Variants in RGS7 observed in about 807,000 individuals in gnomAD.
RGS7 encodes regulator of G protein signaling 7.
A neutral mutation model predicts 81.1 loss-of-function variants in RGS7; 27 were observed. The ratio of observed to expected loss-of-function variants is 0.33; its 90% confidence interval spans 0.25 to 0.46. The LOEUF (loss-of-function observed/expected upper bound fraction) is 0.46, where lower values mean the gene tolerates loss of function less well. Ranked by LOEUF, RGS7 falls within the 20% of genes least tolerant of loss-of-function variation. The probability of loss-of-function intolerance (pLI) is 1.00; values close to 1 mark genes in which losing one functional copy is unlikely to be tolerated. For missense variants in RGS7, 396 were observed against 607.4 expected (o/e 0.65, Z 3.66); for synonymous variants, 208 against 207.7 (o/e 1.00, Z -0.01).
intron 9 of RGS7, among the ~76,000 whole-genome samples, chr1:240,827,562 T>A (rs562849726): frequency 6.6e-6 from 1 of 152,156 alleles, no homozygotes; most frequent in Non-Finnish European, 1.5e-5. Context: ...GAGATCTCTC[T>A]TTATAAAAAG....
intron 2 of RGS7, among the ~76,000 whole-genome samples, chr1:241,162,830 A>C (rs1053371797): frequency 1.3e-5 from 2 of 152,216 alleles, no homozygotes; most frequent in African/African-American, 4.8e-5. Flanking sequence ...CCCCGAGTTC[A>C]CACAGCTAAT....
At chr1:240,882,010 G>A (rs1316559486) in intron 6 of RGS7, among the ~76,000 whole-genome samples, 2 of 151,950 alleles carry the variant, frequency 1.3e-5, no homozygotes, top group African/African-American at 4.8e-5. Flanking sequence ...CACCTCCCTG[G>A]TTCAAGCTAT....
intron 6 of RGS7, among the ~76,000 whole-genome samples, chr1:240,888,010 C>T (rs1175876762): frequency 6.6e-6 from 1 of 152,206 alleles, no homozygotes; most frequent in Non-Finnish European, 1.5e-5. Context: ...ATTCAACAAA[C>T]ATGCACTGGG....
intron 5 of RGS7, among the ~76,000 whole-genome samples, chr1:240,934,393 A>C (rs2148365582): frequency 6.6e-6 from 1 of 152,350 alleles, no homozygotes; most frequent in Non-Finnish European, 1.5e-5. Context: ...GGTGTAATAA[A>C]GAACTTTCGC....
chr1:241,328,878 G>A (rs1331768535), intron 2 of RGS7, among the ~76,000 whole-genome samples: 4 of 152,166 alleles, frequency 2.6e-5, no homozygotes, highest in Admixed American at 6.5e-5. Context: ...TTGATGCTCA[G>A]GCAACTGGTC....
At chr1:241,152,690 A>T (rs1306100111) in intron 2 of RGS7, among the ~76,000 whole-genome samples, 1 of 152,120 alleles carries the variant, frequency 6.6e-6, no homozygotes, top group Non-Finnish European at 1.5e-5. Context: ...CTGGCCAATG[A>T]GCTGTGAGTG....
intron 2 of RGS7, among the ~76,000 whole-genome samples, chr1:241,289,894 C>CCA (rs751501761): frequency 9.2e-5 from 14 of 152,186 alleles, no homozygotes; most frequent in African/African-American, 2.4e-4. Flanking sequence ...AGCATGTGGT[C>CCA]CACAGCATCA....
chr1:241,096,336 T>G (rs974927042), intron 3 of RGS7, among the ~76,000 whole-genome samples: 8 of 152,030 alleles, frequency 5.3e-5, no homozygotes, highest in Admixed American at 1.3e-4. Flanking sequence ...GACTGAAAAC[T>G]TCTAGTAAAG....
At position 240,802,954 on chromosome 1, in the gene RGS7, G is replaced by A; in HGVS notation, c.1309C>T (p.Arg437Cys). ...YKLMKSDSYP[R>C]FIRSSAYQEL... ...TGATAGGCACTGGATCTTATAAAAC[G>A]TGGGTATGAATCACTTTTCATCAGT... Residue 437 changes from arginine (R) to cysteine (C), a missense_variant, in exon 16 of 19, where the codon CGT (arginine) becomes TGT (cysteine). By Grantham distance (180) the Arg-to-Cys change is radical. Transcript: ENST00000440928. 6.2e-7 allele frequency: 1 copy of A among 1,612,222 alleles called. No individual in the cohort carries two copies. The highest frequency in any genetic ancestry group is 8.5e-7 in the Non-Finnish European group (1 of 1,178,464).
At chr1:241,083,468 C>T (rs1205205584) in intron 3 of RGS7, among the ~76,000 whole-genome samples, 3 of 152,138 alleles carry the variant, frequency 2.0e-5, no homozygotes, top group Non-Finnish European at 4.4e-5. Flanking sequence ...GACTATGTGA[C>T]ATCTCACTTT....
At chr1:240,897,180 G>A (rs1191956841) in intron 6 of RGS7, among the ~76,000 whole-genome samples, 1 of 152,198 alleles carries the variant, frequency 6.6e-6, no homozygotes, top group Non-Finnish European at 1.5e-5. Flanking sequence ...GAGATTTTGT[G>A]CTGAGATGAT....
At chr1:240,917,087 A>C (rs2148281967) in intron 6 of RGS7, among the ~76,000 whole-genome samples, 1 of 152,346 alleles carries the variant, frequency 6.6e-6, no homozygotes, top group African/African-American at 2.4e-5. Context: ...CATGCAAGCA[A>C]GAAGAGAGTG....
rs147059326 is a variant in RGS7 at position 240,854,968 on chromosome 1, C to T, written c.609+13619G>A. Among the ~76,000 whole-genome samples, 28 of 152,172 alleles carry T rather than the reference C, an allele frequency of 1.8e-4. No individual in the cohort carries two copies. The East Asian group carries it at 4.9e-3, about 26-fold the overall frequency. ...GGCAGAAGCATGCCTACCTTCATCT[C>T]GGACGTTACAGGCCAAACAGGAGGA... On this transcript the variant is annotated intron_variant, in intron 9 of 18. Coordinates refer to ENST00000440928, the MANE Select transcript of RGS7 (RefSeq NM_001364886.1).
intron 2 of RGS7, among the ~76,000 whole-genome samples, chr1:241,206,326 G>A (rs1262874786): frequency 6.7e-6 from 1 of 150,282 alleles, no homozygotes; most frequent in Non-Finnish European, 1.5e-5. Flanking sequence ...CTGGGTTCAA[G>A]CTATTCTCCT....
intron 18 of RGS7, among the ~76,000 whole-genome samples, chr1:240,788,326 T>C (rs1056618774): frequency 6.6e-6 from 1 of 152,224 alleles, no homozygotes; most frequent in African/African-American, 2.4e-5. Context: ...ACTCTTATAC[T>C]ATACAGTTCA....
At chr1:240,974,923 G>A (rs1439181601) in intron 4 of RGS7, among the ~76,000 whole-genome samples, 6 of 151,640 alleles carry the variant, frequency 4.0e-5, no homozygotes, top group South Asian at 2.1e-4. Flanking sequence ...AAAAAAACCA[G>A]AGAAATTAAT....
At chr1:241,148,644 G>T (rs879829913) in intron 2 of RGS7, among the ~76,000 whole-genome samples, 10 of 152,186 alleles carry the variant, frequency 6.6e-5, no homozygotes, top group Middle Eastern at 3.2e-3. Context: ...TGCATCTGAT[G>T]CTCTCTTCAT....
Position 240,843,899 on chromosome 1 carries a change from G to GAA in RGS7, c.610-16729_610-16728dup, listed in dbSNP as rs35502770. Among the ~76,000 whole-genome samples, 34 of 151,446 alleles carry GAA rather than the reference G, an allele frequency of 2.2e-4. No individual in the cohort carries two copies. The East Asian group carries it at 2.9e-3, about 13-fold the overall frequency. ...ATCTGGGGAAAAGCAAATGAACAGGGAAAAAAAACAAGCTCAAATAATGAC... is the reference window on the plus strand; with the variant it reads ...ATCTGGGGAAAAGCAAATGAACAGGGAAAAAAAAAACAAGCTCAAATAATGAC... On this transcript the variant is annotated intron_variant, in intron 9 of 18. Coordinates refer to ENST00000440928, the MANE Select transcript of RGS7 (RefSeq NM_001364886.1).
At chr1:241,261,166 T>G (rs1000803328) in intron 2 of RGS7, among the ~76,000 whole-genome samples, 3 of 151,454 alleles carry the variant, frequency 2.0e-5, no homozygotes, top group Non-Finnish European at 4.4e-5. Flanking sequence ...CCTCAAAGGA[T>G]TGCTGTTCTC....
Sources: gnomAD v4.1 joint callset for allele counts (sites outside exome capture counted in the v4.1 genomes callset) on GRCh38, gnomAD v4.1.1 for gene constraint, MANE v1.5 for transcripts, NCBI Gene and HGNC (gene_info 2026-07-23, HGNC 2026-07-21) for gene names.